AMMECR1: variants seen among roughly 807,000 people sequenced by gnomAD.
AMMECR1 encodes AMMECR nuclear protein 1, also known as nuclear protein AMMECR1.
Under a neutral mutation model 22.5 loss-of-function variants are expected in AMMECR1, and 3 were observed. The observed-to-expected ratio is 0.13, with a 90% CI of 0.06 to 0.35. The LOEUF (loss-of-function observed/expected upper bound fraction) is 0.35. Ranked by LOEUF, AMMECR1 falls within the 10% of genes least tolerant of loss-of-function variation. The pLI is 1.00. For missense variants in AMMECR1, 235 were observed against 278.7 expected (o/e 0.84, Z 1.12); for synonymous variants, 130 against 116.7 (o/e 1.11, Z -0.74).
chrX:110,300,979 C>T (rs1443708687), intron 1 of AMMECR1, among the ~76,000 whole-genome samples: 1 of 111,821 alleles, frequency 8.9e-6, no homozygotes, highest in Non-Finnish European at 1.9e-5. Context: ...TCTAGGCTTC[C>T]TCAGTGACAG....
intron 2 of AMMECR1, among the ~76,000 whole-genome samples, chrX:110,359,774 T>C (rs1307857014): frequency 8.9e-6 from 1 of 111,753 alleles, no homozygotes; most frequent in Non-Finnish European, 1.9e-5. Context: ...AAAAGTTAAA[T>C]AGCAGCACAT....
chrX:110,379,574 G>T (rs898373202), intron 2 of AMMECR1, among the ~76,000 whole-genome samples: 8 of 111,922 alleles, frequency 7.1e-5, no homozygotes, highest in African/African-American at 2.3e-4. Context: ...AACAAGTCTG[G>T]TTTTTTCAAC....
intron 2 of AMMECR1, among the ~76,000 whole-genome samples, chrX:110,355,421 A>T (rs1281765661): frequency 1.8e-5 from 2 of 112,098 alleles, no homozygotes; most frequent in African/African-American, 3.2e-5. Context: ...AAAATTTAAA[A>T]ACATGGGCAA....
intron 2 of AMMECR1, among the ~76,000 whole-genome samples, chrX:110,253,241 A>T (rs1443745013): frequency 2.8e-4 from 32 of 112,574 alleles, no homozygotes; most frequent in African/African-American, 1.0e-3. Flanking sequence ...ATGTTTTTTA[A>T]ATACTTTGGC....
chrX:110,244,686 C>T (rs907129921), intron 2 of AMMECR1, among the ~76,000 whole-genome samples: 1 of 111,898 alleles, frequency 8.9e-6, no homozygotes, highest in African/African-American at 3.2e-5. Flanking sequence ...CTGCATAGTA[C>T]CTAGTACAGT....
chrX:110,365,696 C>T (rs989208636), intron 2 of AMMECR1, among the ~76,000 whole-genome samples: 1 of 111,942 alleles, frequency 8.9e-6, no homozygotes, highest in Admixed American at 9.5e-5. Flanking sequence ...CAGACTAAAC[C>T]TATTTTCCTT....
In AMMECR1 at chrX:110,194,986, T is replaced by C. The variant is rs1486659402; in HGVS notation, c.*3534A>G. The stretch of plus-strand genomic sequence containing the variant: ...TCACTAGCAAAAATCACTTAGAAAC[T>C]GTACAAAAATAAAAAAGTTAACACA... On this transcript the variant is annotated 3_prime_UTR_variant, in exon 6 of 6. Coordinates refer to ENST00000262844, the MANE Select transcript of AMMECR1 (RefSeq NM_015365.3). The C allele has an allele frequency of 8.9e-6, 1 of 112,085 alleles. No homozygotes were observed. Among genetic ancestry groups the C allele is most frequent in the Non-Finnish European group, 1.9e-5 (1 of 53,186 alleles). The allele number at this position is 112,085 out of a possible 1,213,427, so 9.2% of individuals were successfully genotyped here.
intron 2 of AMMECR1, among the ~76,000 whole-genome samples, chrX:110,237,467 C>T (rs1399295027): frequency 9.0e-6 from 1 of 110,525 alleles, no homozygotes; most frequent in Admixed American, 9.7e-5. Flanking sequence ...GTGCATGCCT[C>T]GTGGGGCTGT....
intron 3 of AMMECR1, among the ~76,000 whole-genome samples, chrX:110,204,452 G>A (rs1282830655): frequency 3.6e-5 from 4 of 110,811 alleles, no homozygotes; most frequent in Non-Finnish European, 5.7e-5. Context: ...AAGGGGTGGG[G>A]AGCGGGGCTG....
intron 1 of AMMECR1, among the ~76,000 whole-genome samples, chrX:110,281,238 C>T (rs930616058): frequency 1.8e-5 from 2 of 112,014 alleles, no homozygotes; most frequent in Admixed American, 1.9e-4. Context: ...ATATTTGCCT[C>T]ATGGTAAGAA....
At position 110,370,046 on chromosome X, in the gene AMMECR1, T is replaced by G. The variant is rs754366539; in HGVS notation, c.-147-52197A>C. 5.4e-5 allele frequency among the ~76,000 whole-genome samples: 6 copies of G among 111,211 alleles called. No individual in the cohort carries two copies. The South Asian group carries it at 2.3e-3, about 43-fold the overall frequency. Reference sequence around the variant, plus strand: ...CCACTATATTGAGTCTGAATCTGCCTTCCTGAAACACCTACCCTTTAGTCC... The same window carrying G: ...CCACTATATTGAGTCTGAATCTGCCGTCCTGAAACACCTACCCTTTAGTCC... On this transcript the variant is annotated intron_variant, in intron 2 of 7. Coordinates refer to the AMMECR1 transcript ENST00000372057.
At chrX:110,277,545 T>C (rs1199207171) in intron 1 of AMMECR1, among the ~76,000 whole-genome samples, 1 of 111,277 alleles carries the variant, frequency 9.0e-6, no homozygotes, top group Non-Finnish European at 1.9e-5. Flanking sequence ...TGTGCACATG[T>C]ACCCTAGAAC....
chrX:110,403,538 T>C lies in AMMECR1; in HGVS notation c.-148+23120A>G, dbSNP rs779043707. Among the ~76,000 whole-genome samples the C allele has an allele frequency of 3.6e-5, 4 of 110,902 alleles. No individual in the cohort carries two copies. In the South Asian group the frequency reaches 1.6e-3, roughly 44 times the overall value. On this transcript the variant is annotated intron_variant, in intron 2 of 7. Coordinates refer to the AMMECR1 transcript ENST00000372057. ...CGTCCATGATACCAGGGCAGCAGAA[T>C]TGGGGCACATTAGAGACACAGGCTC...
intron 2 of AMMECR1, among the ~76,000 whole-genome samples, chrX:110,418,261 T>A (rs1317472730): frequency 1.8e-5 from 2 of 112,414 alleles, no homozygotes; most frequent in Admixed American, 9.3e-5. Context: ...CTTATTTTTT[T>A]AATTAAGAGC....
chrX:110,311,550 A>T (rs987391917), intron 1 of AMMECR1, among the ~76,000 whole-genome samples: 1 of 111,088 alleles, frequency 9.0e-6, no homozygotes, highest in Non-Finnish European at 1.9e-5. Flanking sequence ...CCACTCAGCT[A>T]TTCAACACTA....
chrX:110,275,389 C>T (rs1378644025), intron 1 of AMMECR1, among the ~76,000 whole-genome samples: 1 of 110,427 alleles, frequency 9.1e-6, no homozygotes, highest in African/African-American at 3.3e-5. Context: ...TTTTTCAGCA[C>T]TTTAAAGACG....
intron 1 of AMMECR1, among the ~76,000 whole-genome samples, chrX:110,317,067 AGAG>A (rs1456345671): frequency 1.8e-5 from 2 of 112,178 alleles, no homozygotes; most frequent in Non-Finnish European, 3.8e-5. Flanking sequence ...AAGAAAACCC[AGAG>A]GAGAAGATGG....
At chrX:110,278,108 T>C (rs1311724480) in intron 1 of AMMECR1, among the ~76,000 whole-genome samples, 1 of 111,789 alleles carries the variant, frequency 8.9e-6, no homozygotes, top group South Asian at 3.7e-4. Flanking sequence ...TTTATCATAG[T>C]CTTACCAGTA....
intron 1 of AMMECR1, among the ~76,000 whole-genome samples, chrX:110,312,766 G>C (rs1275374642): frequency 9.0e-6 from 1 of 110,928 alleles, no homozygotes; most frequent in Non-Finnish European, 1.9e-5. Flanking sequence ...CTTCCAATGG[G>C]AATCAACATT....
Sources: allele counts gnomAD v4.1 joint callset (sites outside exome capture counted in the v4.1 genomes callset), GRCh38; gene constraint gnomAD v4.1.1; transcripts MANE v1.5; gene names NCBI Gene and HGNC (gene_info 2026-07-23, HGNC 2026-07-21).